PSMD4: variants seen among roughly 807,000 people sequenced by gnomAD.
The protein encoded by PSMD4 is proteasome 26S subunit ubiquitin receptor, non-ATPase 4.
In PSMD4, 5 loss-of-function variants were observed where a neutral mutation model predicts 39.7. The observed-to-expected ratio is 0.13, with a 90% CI of 0.07 to 0.26. PSMD4 has a LOEUF of 0.26. Ranked by LOEUF, PSMD4 falls within the 10% of genes least tolerant of loss-of-function variation. The pLI is 1.00. For synonymous variants in PSMD4, 143 were observed against 174.6 expected, an observed-to-expected ratio of 0.82 and a Z score of 1.43; for missense variants, 272 against 486.1, an observed-to-expected ratio of 0.56 and a Z score of 4.14.
At position 151,267,381 on chromosome 1, in the gene PSMD4, C is replaced by T. The variant is rs750710136; in HGVS notation, c.*38C>T. The T allele has an allele frequency of 1.4e-5, 22 of 1,601,770 alleles. No homozygotes were observed. Among genetic ancestry groups the T allele is most frequent in the African/African-American group, 2.7e-5 (2 of 74,624 alleles). On this transcript the variant is annotated 3_prime_UTR_variant, in exon 10 of 10. Coordinates refer to ENST00000368884, the MANE Select transcript of PSMD4 (RefSeq NM_002810.4). ...AGGGTAGCTGAGTCTGCTTAGGGGACTGCATGGGAAGCACGGAATATAGGG... is the reference window on the plus strand; with the variant it reads ...AGGGTAGCTGAGTCTGCTTAGGGGATTGCATGGGAAGCACGGAATATAGGG...
chr1:151,261,824 T>C (rs1693326930), intron 1 of PSMD4, among the ~76,000 whole-genome samples: 1 of 151,810 alleles, frequency 6.6e-6, no homozygotes, highest in Non-Finnish European at 1.5e-5. Context: ...GCGTGGTGGC[T>C]TGCACCTATA....
Position 151,265,441 on chromosome 1 carries a change from C to T in PSMD4, c.486C>T (p.Gly162=), listed in dbSNP as rs751024062. The stretch of plus-strand genomic sequence containing the variant: ...CAGCCTTTGTAAACACGTTGAATGG[C>T]AAAGATGGAACCGGTTCTCATCTGG... ...KLTAFVNTLN[G]KDGTGSHLVT... is the part of the protein sequence containing the mutation. The change falls in exon 6 of 10, where the codon GGC becomes GGT. Residue 162 remains glycine (G), a synonymous_variant. Coordinates refer to ENST00000368884, the MANE Select transcript of PSMD4 (RefSeq NM_002810.4). The T allele has an allele frequency of 2.5e-6, 4 of 1,614,106 alleles. No homozygotes were observed. The African/African-American group carries it at 4.0e-5, about 16-fold the overall frequency.
Position 151,263,904 on chromosome 1 carries a change from T to C in PSMD4, c.168-10T>C. ...CCTGAATTCACTGAAATGCTTTTCC[T>C]ACATCCCAGTGACTGTGAAGTGCTG... On this transcript the variant is annotated splice_polypyrimidine_tract_variant and intron_variant, in intron 2 of 9. Coordinates refer to ENST00000368884, the MANE Select transcript of PSMD4 (RefSeq NM_002810.4). 1 of 1,545,952 alleles carries C rather than the reference T, an allele frequency of 6.5e-7. No individual in the cohort carries two copies. Among genetic ancestry groups the C allele is most frequent in the East Asian group, 2.4e-5 (1 of 41,706 alleles).
chr1:151,267,127 C>G, intron 9 of PSMD4, 46 bp from the exon 10 acceptor site: 1 of 1,611,072 alleles, frequency 6.2e-7, no homozygotes, highest in Middle Eastern at 1.7e-4. Flanking sequence ...CTGCTTACTT[C>G]CTGCCGCTCC....
intron 6 of PSMD4, 68 bp downstream of exon 6, chr1:151,265,677 C>G (rs989892291): frequency 7.3e-6 from 11 of 1,506,624 alleles, no homozygotes; most frequent in Non-Finnish European, 1.0e-5. Flanking sequence ...ACACACATCA[C>G]AGAGCTTCTA....
chr1:151,264,978 A>G, intron 4 of PSMD4, 60 bp downstream of exon 4: 2 of 1,475,330 alleles, frequency 1.4e-6, no homozygotes, highest in Non-Finnish European at 9.4e-7. Flanking sequence ...GAGGTCTTCC[A>G]GCCCTCAGGA....
intron 6 of PSMD4, among the ~76,000 whole-genome samples, 161 bp downstream of exon 6, chr1:151,265,770 A>T (rs1470798268): frequency 6.6e-6 from 1 of 152,028 alleles, no homozygotes; most frequent in Non-Finnish European, 1.5e-5. Context: ...ATGCTGTCTG[A>T]TCTCTAGGGG....
intron 1 of PSMD4, 104 bp from the exon 2 acceptor site, chr1:151,262,057 G>A: frequency 8.1e-7 from 1 of 1,237,158 alleles, no homozygotes; most frequent in Non-Finnish European, 1.2e-6. Flanking sequence ...AGCTACAGGT[G>A]ATGCTATGAA....
At chr1:151,262,106 G>A (rs940590982) in intron 1 of PSMD4, 55 bp from the exon 2 acceptor site, 105 of 1,603,052 alleles carry the variant, frequency 6.6e-5, no homozygotes, top group Non-Finnish European at 8.0e-5. Context: ...TGGAGAGAAG[G>A]TTTTGGAAAA....
At chr1:151,265,093 C>A in intron 4 of PSMD4, 73 bp from the exon 5 acceptor site, 2 of 1,383,438 alleles carry the variant, frequency 1.4e-6, no homozygotes, top group Non-Finnish European at 2.0e-6. Context: ...TTTCTGTATG[C>A]TTTTATGCGG....
chr1:151,266,507 C>G lies in PSMD4; in HGVS notation c.896-13C>G. 1 of 1,614,200 alleles carries G rather than the reference C, an allele frequency of 6.2e-7. No individual in the cohort carries two copies. The highest frequency in any genetic ancestry group is 8.5e-7 in the Non-Finnish European group (1 of 1,180,042). On this transcript the variant is annotated splice_polypyrimidine_tract_variant and intron_variant, in intron 8 of 9. Transcript: ENST00000368884. Reference sequence around the variant, plus strand: ...AGGAAGTGTAACTGAACAGACTGACCTCTCTTCCTCAGAGTTTGGCCAGGC... The same window carrying G: ...AGGAAGTGTAACTGAACAGACTGACGTCTCTTCCTCAGAGTTTGGCCAGGC...
At chr1:151,266,487 G>T (rs923122554) in intron 8 of PSMD4, 33 bp from the exon 9 acceptor site, 1 of 1,614,222 alleles carries the variant, frequency 6.2e-7, no homozygotes, top group Non-Finnish European at 8.5e-7. Flanking sequence ...GGGTGAGGAA[G>T]TGTAACTGAA....
intron 6 of PSMD4, 23 bp from the exon 7 acceptor site, chr1:151,265,981 G>T: frequency 6.4e-7 from 1 of 1,553,924 alleles, no homozygotes; most frequent in Non-Finnish European, 8.7e-7. Flanking sequence ...GGGGAGCCCT[G>T]ATTATGCCCT....
Position 151,266,058 on chromosome 1 carries a change from C to T in PSMD4, c.709C>T (p.Arg237Trp), listed in dbSNP as rs1362483909. Residue 237 changes from arginine (R) to tryptophan (W), a missense_variant, in exon 7 of 10, where the codon CGG becomes TGG. Arg to Trp is a moderately radical substitution (Grantham distance 101). Coordinates refer to ENST00000368884, the MANE Select transcript of PSMD4 (RefSeq NM_002810.4). ...QRQRQEEEAR[R>W]AAAASAAEAG... ...GCAGCGGCAGGAGGAGGAGGCCCGG[C>T]GGGCAGCTGCAGCTTCTGCTGCTGA... 8 of 1,606,950 alleles carry T rather than the reference C, an allele frequency of 5.0e-6. No homozygotes were observed. The highest frequency in any genetic ancestry group is 1.1e-5 in the South Asian group (1 of 89,990).
At position 151,261,424 on chromosome 1, in the gene PSMD4, C is replaced by T. The variant is rs1314084367; in HGVS notation, c.27-737C>T. On this transcript the variant is annotated intron_variant, in intron 1 of 9. Transcript: ENST00000368884. ...TCCTGACCTCAGGTGATCCACCTGC[C>T]TCGGCCTCCCAAAGTGCTGGGATTA... Among the ~76,000 whole-genome samples the T allele has an allele frequency of 2.0e-5, 3 of 152,042 alleles. No individual in the cohort carries two copies. The East Asian group carries it at 5.8e-4, about 29-fold the overall frequency.
At chr1:151,262,942 T>C (rs1371623470) in intron 2 of PSMD4, 2 of 153,156 alleles carry the variant, frequency 1.3e-5, no homozygotes, top group Non-Finnish European at 2.9e-5. Flanking sequence ...CTTAAATGAG[T>C]AGCCTCCCAC....
chr1:151,258,748 A>G (rs1046859537), intron 1 of PSMD4, among the ~76,000 whole-genome samples: 2 of 152,120 alleles, frequency 1.3e-5, no homozygotes, highest in East Asian at 3.9e-4. Context: ...GGCATGAACC[A>G]TCACACCCAG....
chr1:151,266,832 G>A (rs1693460444), intron 9 of PSMD4: 2 of 727,258 alleles, frequency 2.8e-6, no homozygotes, highest in East Asian at 2.8e-5. Context: ...AGTTCTCTAG[G>A]ATGTCTTCCC....
intron 1 of PSMD4, among the ~76,000 whole-genome samples, chr1:151,261,180 C>CTTTT (rs587653164): frequency 6.7e-5 from 8 of 120,010 alleles, no homozygotes; most frequent in East Asian, 2.4e-4. Flanking sequence ...TTTTCTTTTT[C>CTTTT]TTTTTTTTTT....
Sources: gnomAD v4.1 joint callset for allele counts (sites outside exome capture counted in the v4.1 genomes callset) on GRCh38, gnomAD v4.1.1 for gene constraint, MANE v1.5 for transcripts, NCBI Gene and HGNC (gene_info 2026-07-23, HGNC 2026-07-21) for gene names.